Variants in GPSM2 observed in about 807,000 individuals in gnomAD.
The protein encoded by GPSM2 is G protein-signaling modulator 2.
Under a neutral mutation model 78.4 loss-of-function variants are expected in GPSM2, and 58 were observed. The observed-to-expected ratio is 0.74, with a 90% CI of 0.60 to 0.92. The LOEUF is 0.92. Ranked by LOEUF, GPSM2 falls within the 40% of genes least tolerant of loss-of-function variation. The pLI is 0.00. For synonymous variants in GPSM2, 224 were observed against 280.2 expected, an observed-to-expected ratio of 0.80 and a Z score of 2.00; for missense variants, 700 against 815.5, an observed-to-expected ratio of 0.86 and a Z score of 1.73.
intron 10 of GPSM2, among the ~76,000 whole-genome samples, chr1:108,906,818 A>C (rs1463491431): frequency 1.3e-5 from 2 of 152,150 alleles, no homozygotes; most frequent in Non-Finnish European, 2.9e-5. Context: ...GAGGGTTTTG[A>C]GATGGAATCT....
At position 108,929,629 on chromosome 1, in the gene GPSM2, C is replaced by G. The variant is rs939433123; in HGVS notation, c.1816-72C>G. On this transcript the variant is annotated intron_variant, in intron 14 of 14. Transcript: ENST00000264126. ...TTACAACTGCGTTTTCTTGTTGTGACTGAGAGATTTAACATAGCTTGGTGC... is the reference window on the plus strand; with the variant it reads ...TTACAACTGCGTTTTCTTGTTGTGAGTGAGAGATTTAACATAGCTTGGTGC... 5.6e-6 allele frequency: 8 copies of G among 1,419,116 alleles called. No homozygotes were observed. The African/African-American group carries it at 1.1e-4, about 20-fold the overall frequency. The allele number at this position is 1,419,116 out of a possible 1,614,324, so 87.9% of individuals were successfully genotyped here. A position where few individuals can be genotyped will look rare whatever the true frequency, so the allele number is the denominator to read the frequency against.
At position 108,930,330 on chromosome 1, in the gene GPSM2, A is replaced by T. The variant is rs1000724156; in HGVS notation, c.*390A>T. On this transcript the variant is annotated 3_prime_UTR_variant, in exon 15 of 15. Coordinates refer to ENST00000264126, the MANE Select transcript of GPSM2 (RefSeq NM_013296.5). ...TATACATAACCATGGATGTAGTGGG[A>T]AACAATGTTGTTTGGTAAAAATAAT... 1.2e-5 allele frequency: 2 copies of T among 168,584 alleles called. No individual in the cohort carries two copies. Among genetic ancestry groups the T allele is most frequent in the African/African-American group, 4.8e-5 (2 of 41,818 alleles). The allele number at this position is 168,584 out of a possible 1,614,324, so 10.4% of individuals were successfully genotyped here.
intron 2 of GPSM2, among the ~76,000 whole-genome samples, chr1:108,894,663 A>C (rs1325040904): frequency 6.6e-6 from 1 of 152,008 alleles, no homozygotes; most frequent in Non-Finnish European, 1.5e-5. Context: ...GTACTGCTGC[A>C]CTCCAGCCTG....
At chr1:108,915,516 TC>T (rs1344840128) in intron 11 of GPSM2, among the ~76,000 whole-genome samples, 3 of 150,798 alleles carry the variant, frequency 2.0e-5, no homozygotes, top group African/African-American at 7.3e-5. Context: ...ACCCTCCACC[TC>T]CCAGGTTCAT....
chr1:108,917,611 C>CATATATAT lies in GPSM2; in HGVS notation c.1264-954_1264-947dup, dbSNP rs55909258. The stretch of plus-strand genomic sequence containing the variant: ...ACAAATGTATACACACACACACACA[C>CATATATAT]ATATATATATATATATATATATATA... On this transcript the variant is annotated intron_variant, in intron 11 of 14. Coordinates refer to ENST00000264126, the MANE Select transcript of GPSM2 (RefSeq NM_013296.5). Among the ~76,000 whole-genome samples, 211 of 22,364 alleles carry CATATATAT rather than the reference C, an allele frequency of 9.4e-3. 10 individuals carry two copies. The highest frequency in any genetic ancestry group is 0.015 in the South Asian group (12 of 826). The allele number at this position is 22,364 out of a possible 152,430, so 14.7% of individuals were successfully genotyped here. A position where few individuals can be genotyped will look rare whatever the true frequency, so the allele number is the denominator to read the frequency against.
At chr1:108,913,325 C>T (rs1649911749) in intron 10 of GPSM2, among the ~76,000 whole-genome samples, 1 of 152,184 alleles carries the variant, frequency 6.6e-6, no homozygotes, top group Non-Finnish European at 1.5e-5. Context: ...AAATATCTGT[C>T]ACTAATAAAA....
chr1:108,907,103 C>T (rs971352222), intron 10 of GPSM2, among the ~76,000 whole-genome samples: 4 of 152,218 alleles, frequency 2.6e-5, no homozygotes, highest in African/African-American at 7.2e-5. Flanking sequence ...TTTCCTGCCA[C>T]TCCACCTCTT....
intron 1 of GPSM2, among the ~76,000 whole-genome samples, chr1:108,880,641 T>C (rs1168926502): frequency 6.6e-6 from 1 of 152,172 alleles, no homozygotes; most frequent in African/African-American, 2.4e-5. Context: ...ACTATTGAGC[T>C]TTAAAATTAT....
chr1:108,902,801 T>A (rs1056948877), intron 8 of GPSM2, among the ~76,000 whole-genome samples: 1 of 152,188 alleles, frequency 6.6e-6, no homozygotes, highest in African/African-American at 2.4e-5. Context: ...AATAATTACC[T>A]GGTAGGGCTG....
intron 2 of GPSM2, among the ~76,000 whole-genome samples, chr1:108,893,491 T>TG (rs1194888901): frequency 3.9e-5 from 6 of 152,232 alleles, no homozygotes; most frequent in African/African-American, 1.4e-4. Flanking sequence ...TTTTTGCTGC[T>TG]GTGAATATCC....
At chr1:108,919,736 GTTTA>G (rs1397274665) in intron 12 of GPSM2, among the ~76,000 whole-genome samples, 2 of 151,972 alleles carry the variant, frequency 1.3e-5, no homozygotes, top group Admixed American at 6.6e-5. Context: ...ATAACAATCA[GTTTA>G]TTTAATTTAT....
At chr1:108,915,337 C>G (rs1161992828) in intron 11 of GPSM2, among the ~76,000 whole-genome samples, 14 of 139,442 alleles carry the variant, frequency 1.0e-4, no homozygotes, top group Non-Finnish European at 1.4e-4. Flanking sequence ...CGCCACTGTA[C>G]TCCAGCCTGG....
intron 12 of GPSM2, among the ~76,000 whole-genome samples, chr1:108,919,372 T>G (rs978142981): frequency 6.6e-6 from 1 of 152,198 alleles, no homozygotes; most frequent in Non-Finnish European, 1.5e-5. Flanking sequence ...CTGCATTGTC[T>G]CCCAGTAAAA....
intron 13 of GPSM2, 118 bp downstream of exon 13, chr1:108,922,694 A>G (rs1650812756): frequency 3.5e-6 from 3 of 862,554 alleles, no homozygotes; most frequent in South Asian, 1.5e-5. Flanking sequence ...GAATTCAGGT[A>G]TATCTGAAAT....
Position 108,924,008 on chromosome 1 carries a change from G to A in GPSM2, c.1609G>A (p.Val537Ile), listed in dbSNP as rs770722796. Residue 537 changes from valine (V) to isoleucine (I), a missense_variant, in exon 14 of 15, where the codon GTT (valine) becomes ATT (isoleucine). Transcript: ENST00000264126. Reference sequence around the variant, plus strand: ...TCTTCTTCTGTTCTTAGCATCATCTGTTCCTGTGGTATCCCCCAACACGGA... The same window carrying A: ...TCTTCTTCTGTTCTTAGCATCATCTATTCCTGTGGTATCCCCCAACACGGA... ...PPKMMLKTSSVPVVSPNTDEF... is the reference protein window; with the variant it reads ...PPKMMLKTSSIPVVSPNTDEF... The A allele has an allele frequency of 3.7e-6, 6 of 1,600,884 alleles. No individual in the cohort carries two copies. Among genetic ancestry groups the A allele is most frequent in the African/African-American group, 1.3e-5 (1 of 74,508 alleles).
In GPSM2 at chr1:108,882,040, C is replaced by T. The variant is rs548789407; in HGVS notation, c.-248-3235C>T. On this transcript the variant is annotated intron_variant, in intron 1 of 14. Transcript: ENST00000264126. The stretch of plus-strand genomic sequence containing the variant: ...AATCATCGATTACTATAACCTCCAA[C>T]TCCTGGGCTCAAGCAATCCTCCTGC... 2.6e-5 allele frequency among the ~76,000 whole-genome samples: 4 copies of T among 152,278 alleles called. No homozygotes were observed. The South Asian group carries it at 8.3e-4, about 32-fold the overall frequency.
chr1:108,903,526 G>A (rs182302584), intron 9 of GPSM2, among the ~76,000 whole-genome samples: 3 of 152,092 alleles, frequency 2.0e-5, no homozygotes, highest in Non-Finnish European at 2.9e-5. Flanking sequence ...AAGTAGCATG[G>A]TATTGAAGGA....
chr1:108,897,889 T>C (rs1313963075), intron 4 of GPSM2, 70 bp from the exon 5 acceptor site: 39 of 1,495,410 alleles, frequency 2.6e-5, no homozygotes, highest in Non-Finnish European at 3.3e-5. Flanking sequence ...ATACTAAGGA[T>C]ATTACAAATA....
intron 8 of GPSM2, 39 bp from the exon 9 acceptor site, chr1:108,903,087 T>A: frequency 7.9e-7 from 1 of 1,264,022 alleles, no homozygotes; most frequent in Non-Finnish European, 1.2e-6. Context: ...TAGGACCTCT[T>A]TTCAAATAAC....
Sources: gnomAD v4.1 joint callset for allele counts (sites outside exome capture counted in the v4.1 genomes callset) on GRCh38, gnomAD v4.1.1 for gene constraint, MANE v1.5 for transcripts, NCBI Gene and HGNC (gene_info 2026-07-23, HGNC 2026-07-21) for gene names.